Variants in LRRC4C observed in about 807,000 individuals in gnomAD.
LRRC4C encodes the protein leucine rich repeat containing 4C.
In LRRC4C, 5 loss-of-function variants were observed where a neutral mutation model predicts 33.6. The observed-to-expected ratio is 0.15, with a 90% CI of 0.08 to 0.31. The LOEUF (loss-of-function observed/expected upper bound fraction) is 0.31. Among genes scored for constraint, LRRC4C ranks in the 10% least tolerant of loss-of-function variants. LRRC4C has a pLI of 1.00. For synonymous variants in LRRC4C, 329 were observed against 302.0 expected, an observed-to-expected ratio of 1.09 and a Z score of -0.93; for missense variants, 560 against 796.7, an observed-to-expected ratio of 0.70 and a Z score of 3.58.
intron 3 of LRRC4C, among the ~76,000 whole-genome samples, chr11:40,347,522 T>C (rs1947189198): frequency 6.6e-6 from 1 of 152,218 alleles, no homozygotes; most frequent in African/African-American, 2.4e-5. Flanking sequence ...CTGTATGGCA[T>C]TGTGCCTTCC....
chr11:41,081,620 A>C (rs1386051073), intron 1 of LRRC4C, among the ~76,000 whole-genome samples: 1 of 152,146 alleles, frequency 6.6e-6, no homozygotes. Flanking sequence ...AAATAATGAG[A>C]GCTAAAGGAC....
chr11:41,133,812 C>T (rs548441146), intron 1 of LRRC4C, among the ~76,000 whole-genome samples: 1 of 152,090 alleles, frequency 6.6e-6, no homozygotes, highest in Admixed American at 6.6e-5. Flanking sequence ...TCTGCAGATT[C>T]CAAATTTTAG....
intron 5 of LRRC4C, among the ~76,000 whole-genome samples, chr11:40,161,525 G>A (rs750330419): frequency 2.0e-5 from 3 of 152,150 alleles, no homozygotes; most frequent in Non-Finnish European, 4.4e-5. Context: ...AGGCCGAGGC[G>A]GGCAGACTGC....
chr11:41,267,428 G>A (rs746292352), intron 1 of LRRC4C, among the ~76,000 whole-genome samples: 18 of 152,140 alleles, frequency 1.2e-4, no homozygotes, highest in East Asian at 9.7e-4. Context: ...TCAAACCTGC[G>A]TTTGTTCATC....
At chr11:40,339,780 C>A (rs1410205296) in intron 3 of LRRC4C, among the ~76,000 whole-genome samples, 1 of 152,088 alleles carries the variant, frequency 6.6e-6, no homozygotes, top group Non-Finnish European at 1.5e-5. Context: ...TTGAAAAGAC[C>A]TTATCAATTG....
At chr11:41,390,113 A>G (rs936684989) in intron 1 of LRRC4C, among the ~76,000 whole-genome samples, 1 of 151,922 alleles carries the variant, frequency 6.6e-6, no homozygotes, top group African/African-American at 2.4e-5. Context: ...AACATTGTTG[A>G]AGTTAATTAT....
chr11:40,143,379 A>AT (rs1011089202), intron 5 of LRRC4C, among the ~76,000 whole-genome samples: 42 of 151,550 alleles, frequency 2.8e-4, no homozygotes, highest in Non-Finnish European at 4.4e-4. Context: ...GCCAGTCATA[A>AT]TTTTTTTTTC....
intron 1 of LRRC4C, among the ~76,000 whole-genome samples, chr11:41,102,691 T>C (rs1941263397): frequency 6.6e-6 from 1 of 152,150 alleles, no homozygotes; most frequent in South Asian, 2.1e-4. Flanking sequence ...CCTCTCACAT[T>C]TTTAGATTGC....
chr11:40,432,303 A>C (rs922678047), intron 3 of LRRC4C, among the ~76,000 whole-genome samples: 1 of 152,056 alleles, frequency 6.6e-6, no homozygotes, highest in South Asian at 2.1e-4. Flanking sequence ...ATCTTCTTGA[A>C]ATCCCCTCTG....
In LRRC4C at chr11:40,879,652, C is replaced by A. The variant is rs562357161; in HGVS notation, c.-407+53983G>T. Among the ~76,000 whole-genome samples, 3 of 152,126 alleles carry A rather than the reference C, an allele frequency of 2.0e-5. 1 individual carries two copies. The South Asian group carries it at 6.2e-4, about 32-fold the overall frequency. On this transcript the variant is annotated intron_variant, in intron 2 of 6. Transcript: ENST00000528697. ...AGCAAACAGACACACACACGCACAC[C>A]AAGAAATTAACTGTGTTTGTGTGTA...
chr11:41,025,767 G>A (rs570799575), intron 1 of LRRC4C, among the ~76,000 whole-genome samples: 57 of 151,790 alleles, frequency 3.8e-4, no homozygotes, highest in African/African-American at 1.3e-3. Context: ...GAAAAAAGAT[G>A]CCATCTAGAA....
In LRRC4C at chr11:41,145,637, T is replaced by A. The variant is rs74395652; in HGVS notation, c.-495-211914A>T. ...TCGGATAAATTTGTTGACCCTCCCATATAGTAATTATTCATGTACATAACG... is the reference window on the plus strand; with the variant it reads ...TCGGATAAATTTGTTGACCCTCCCAAATAGTAATTATTCATGTACATAACG... On this transcript the variant is annotated intron_variant, in intron 1 of 6. Transcript: ENST00000528697. Among the ~76,000 whole-genome samples, 580 of 152,260 alleles carry A rather than the reference T, an allele frequency of 3.8e-3. 5 individuals carry two copies. The highest frequency in any genetic ancestry group is 0.013 in the African/African-American group (556 of 41,574).
At chr11:40,912,592 A>T (rs2136283775) in intron 2 of LRRC4C, among the ~76,000 whole-genome samples, 1 of 148,634 alleles carries the variant, frequency 6.7e-6, no homozygotes, top group East Asian at 2.0e-4. Context: ...CTGCAAAACC[A>T]TGCCAAATTG....
intron 1 of LRRC4C, among the ~76,000 whole-genome samples, chr11:41,166,427 A>G (rs2136066827): frequency 6.6e-6 from 1 of 152,344 alleles, no homozygotes; most frequent in South Asian, 2.1e-4. Context: ...ACATATAGTC[A>G]GACCTTAACA....
intron 1 of LRRC4C, among the ~76,000 whole-genome samples, chr11:41,428,480 T>C (rs1327590086): frequency 3.9e-5 from 6 of 152,150 alleles, no homozygotes; most frequent in Non-Finnish European, 8.8e-5. Context: ...TTTACTAATA[T>C]CCTTGTGGAG....
At chr11:40,283,091 T>G (rs978436065) in intron 4 of LRRC4C, among the ~76,000 whole-genome samples, 7 of 152,246 alleles carry the variant, frequency 4.6e-5, no homozygotes, top group Non-Finnish European at 8.8e-5. Context: ...ACCACCTTGA[T>G]TTTTGTGACC....
intron 3 of LRRC4C, among the ~76,000 whole-genome samples, chr11:40,439,489 T>G (rs1348976845): frequency 6.6e-6 from 1 of 151,462 alleles, no homozygotes; most frequent in South Asian, 2.1e-4. Flanking sequence ...AGTCTCATTC[T>G]GTCGCCCAGG....
intron 2 of LRRC4C, among the ~76,000 whole-genome samples, chr11:40,867,425 GGCTAAATGAGAAACATATCA>G (rs1479645907): frequency 6.6e-6 from 1 of 152,134 alleles, no homozygotes; most frequent in Non-Finnish European, 1.5e-5. Flanking sequence ...TGACTATGAA[GGCTAAATGAGAAACATATCA>G]GCATTGGTGA....
intron 1 of LRRC4C, among the ~76,000 whole-genome samples, chr11:41,057,115 C>T (rs573792099): frequency 6.6e-6 from 1 of 152,314 alleles, no homozygotes; most frequent in East Asian, 1.9e-4. Flanking sequence ...TCTCAGGGGC[C>T]CAGAAACGCC....
Sources: allele counts gnomAD v4.1 joint callset (sites outside exome capture counted in the v4.1 genomes callset), GRCh38; gene constraint gnomAD v4.1.1; transcripts MANE v1.5; gene names NCBI Gene and HGNC (gene_info 2026-07-23, HGNC 2026-07-21).